Variants in PEMT observed in about 807,000 individuals in gnomAD.
PEMT encodes phospholipid methyltransferase.
PEMT carries 23 observed loss-of-function variants against 27.4 expected under a neutral mutation model. The ratio of observed to expected loss-of-function variants is 0.84; its 90% CI spans 0.60 to 1.19. The LOEUF is 1.19. Ranked by LOEUF, PEMT falls within the 50% of genes most tolerant of loss-of-function variation. The pLI, the probability that PEMT is intolerant of heterozygous loss-of-function variation, is 0.00. For missense variants in PEMT, 307 were observed against 310.1 expected (o/e 0.99, Z 0.07); for synonymous variants, 137 against 139.1 (o/e 0.98, Z 0.11).
intron 1 of PEMT, among the ~76,000 whole-genome samples, chr17:17,590,174 A>AG (rs1308560286): frequency 6.6e-6 from 1 of 152,160 alleles, no homozygotes; most frequent in Admixed American, 6.5e-5. Context: ...AAAATGCAGG[A>AG]GCTGTAGGGG....
chr17:17,587,125 A>T (rs951185078), intron 1 of PEMT, among the ~76,000 whole-genome samples: 4 of 152,108 alleles, frequency 2.6e-5, no homozygotes, highest in Non-Finnish European at 5.9e-5. Context: ...GAGAAAAAAA[A>T]ATTACACCCA....
At chr17:17,533,275 T>C (rs1407694951) in intron 2 of PEMT, among the ~76,000 whole-genome samples, 1 of 152,184 alleles carries the variant, frequency 6.6e-6, no homozygotes, top group African/African-American at 2.4e-5. Flanking sequence ...CAACAGGATA[T>C]TCACATGCAA....
At chr17:17,520,465 A>C (rs879619351) in intron 3 of PEMT, among the ~76,000 whole-genome samples, 10 of 152,216 alleles carry the variant, frequency 6.6e-5, no homozygotes, top group Non-Finnish European at 1.0e-4. Context: ...ACCTCGGGCA[A>C]CCATTGCTTC....
chr17:17,514,753 C>T (rs988917791), intron 3 of PEMT, among the ~76,000 whole-genome samples: 4 of 152,254 alleles, frequency 2.6e-5, no homozygotes, highest in African/African-American at 9.6e-5. Context: ...TGCCTGGCAC[C>T]CTCCACTCTC....
rs564981683 is a variant in PEMT at position 17,509,535 on chromosome 17, G to A, written c.477C>T (p.Phe159=). ...TCACTCTCGCCTCCTTGAGGATCCC[G>A]AAGTAATCACCTGTGGATGAGGCAA... is the stretch of plus-strand genomic sequence containing the variant. The part of the protein sequence containing the change: ...GFAGTFLGDY[F]GILKEARVTV... Residue 159 remains phenylalanine, a synonymous_variant, in exon 5 of 7, where the codon TTC becomes TTT. Coordinates refer to ENST00000255389, the MANE Select transcript of PEMT (RefSeq NM_148172.3). The A allele has an allele frequency of 3.5e-5, 56 of 1,611,512 alleles. No individual in the cohort carries two copies. The highest frequency in any genetic ancestry group is 4.7e-5 in the Non-Finnish European group (55 of 1,177,742).
chr17:17,570,231 T>C (rs934549228), intron 2 of PEMT, among the ~76,000 whole-genome samples: 20 of 152,132 alleles, frequency 1.3e-4, no homozygotes, highest in Admixed American at 1.0e-3. Context: ...CATGCCAGGA[T>C]TGGGGACACA....
At chr17:17,514,621 AG>A (rs752141226) in intron 3 of PEMT, among the ~76,000 whole-genome samples, 2 of 152,346 alleles carry the variant, frequency 1.3e-5, no homozygotes, top group Non-Finnish European at 1.5e-5. Context: ...GCCCGGGCTC[AG>A]GGTCACCCCG....
intron 2 of PEMT, among the ~76,000 whole-genome samples, chr17:17,575,796 C>G (rs1166403424): frequency 6.6e-6 from 1 of 152,182 alleles, no homozygotes; most frequent in Non-Finnish European, 1.5e-5. Flanking sequence ...CGGAGTGTGT[C>G]CAGCATGTTC....
Position 17,576,923 on chromosome 17 carries a change from A to G in PEMT, c.201T>C (p.Asn67=). The part of the protein sequence containing the change: ...ITITFNPLYW[N]VVARWEHKTR... ...CAGTGTCAGGCACATCACTTACCAC[A>G]TTCCAGTAGAGCGGATTGAAGGTGA... Residue 67 remains asparagine (N), a synonymous_variant, in exon 2 of 7, where the codon AAT becomes AAC. Coordinates refer to ENST00000255389, the MANE Select transcript of PEMT (RefSeq NM_148172.3). The G allele has an allele frequency of 1.2e-6, 2 of 1,612,372 alleles. No individual in the cohort carries two copies. Among genetic ancestry groups the G allele is most frequent in the Non-Finnish European group, 1.7e-6 (2 of 1,178,458 alleles).
At chr17:17,557,732 C>A (rs554083885) in intron 2 of PEMT, among the ~76,000 whole-genome samples, 1 of 152,210 alleles carries the variant, frequency 6.6e-6, no homozygotes, top group Admixed American at 6.5e-5. Context: ...ATTGCAGGGG[C>A]TGGTGACAAT....
chr17:17,550,799 G>A (rs989385218), intron 2 of PEMT, among the ~76,000 whole-genome samples: 2 of 152,226 alleles, frequency 1.3e-5, no homozygotes, highest in African/African-American at 4.8e-5. Flanking sequence ...CCACTTAGAT[G>A]TCCAGTTCAC....
chr17:17,565,885 G>T (rs1405100128), intron 2 of PEMT, among the ~76,000 whole-genome samples: 1 of 152,212 alleles, frequency 6.6e-6, no homozygotes, highest in Non-Finnish European at 1.5e-5. Flanking sequence ...GGCAGGCCTG[G>T]GTGTTTCCAC....
upstream of PEMT, chr17:17,591,826 G>A: frequency 1.4e-6 from 2 of 1,400,862 alleles, no homozygotes; most frequent in Non-Finnish European, 1.9e-6. Context: ...GCGTCTAGAG[G>A]AGCCGAGAAC....
At chr17:17,557,254 A>AG (rs1910118237) in intron 2 of PEMT, among the ~76,000 whole-genome samples, 1 of 152,184 alleles carries the variant, frequency 6.6e-6, no homozygotes, top group Non-Finnish European at 1.5e-5. Context: ...ACCCTCACGC[A>AG]GGGACACACC....
At chr17:17,560,531 G>A (rs1356820359) in intron 2 of PEMT, among the ~76,000 whole-genome samples, 1 of 152,212 alleles carries the variant, frequency 6.6e-6, no homozygotes, top group East Asian at 1.9e-4. Context: ...GGGGCTGCCT[G>A]GGGCCCAGAA....
At chr17:17,543,132 T>C (rs1423582213) in intron 2 of PEMT, among the ~76,000 whole-genome samples, 1 of 152,210 alleles carries the variant, frequency 6.6e-6, no homozygotes, top group African/African-American at 2.4e-5. Flanking sequence ...ACATTCTGCA[T>C]CTGCTTCCGA....
chr17:17,536,857 C>G (rs776710319), intron 2 of PEMT, among the ~76,000 whole-genome samples: 23 of 152,340 alleles, frequency 1.5e-4, no homozygotes, highest in African/African-American at 5.3e-4. Flanking sequence ...CTACTCAGGG[C>G]GGCTCTGGTT....
At chr17:17,521,948 T>A (rs972224196) in intron 3 of PEMT, among the ~76,000 whole-genome samples, 1 of 152,166 alleles carries the variant, frequency 6.6e-6, no homozygotes, top group African/African-American at 2.4e-5. Flanking sequence ...CGAGCCAGCA[T>A]CCACCTTCTG....
chr17:17,578,932 A>C (rs11657719), intron 1 of PEMT, among the ~76,000 whole-genome samples: 330 of 152,306 alleles, frequency 2.2e-3, no homozygotes, highest in Non-Finnish European at 3.7e-3. Context: ...TAATAATAAA[A>C]ATTTTTTTAA....
Sources: gnomAD v4.1 joint callset for allele counts (sites outside exome capture counted in the v4.1 genomes callset) on GRCh38, gnomAD v4.1.1 for gene constraint, MANE v1.5 for transcripts, NCBI Gene and HGNC (gene_info 2026-07-23, HGNC 2026-07-21) for gene names.